NFIX: variants seen among roughly 807,000 people sequenced by gnomAD.
The protein encoded by NFIX is nuclear factor I X.
In NFIX, 2 loss-of-function variants were observed where a neutral mutation model predicts 53.3. That is an observed-to-expected ratio of 0.04 (90% CI 0.02 to 0.12). NFIX has a LOEUF of 0.12. Among genes scored for constraint, NFIX ranks in the 10% least tolerant of loss-of-function variants. NFIX has a pLI of 1.00. For synonymous variants in NFIX, 244 were observed against 289.0 expected (o/e 0.84, Z 1.58); for missense variants, 310 against 674.5 (o/e 0.46, Z 5.99).
In NFIX at chr19:13,022,943, T is replaced by C. The variant is rs946960627; in HGVS notation, c.28-2078T>C. ...TGAACTTGTCGATTGGGCAAATTGTTTTTGGTCTCCAACTGCCGGGGGCTC... is the reference window on the plus strand; with the variant it reads ...TGAACTTGTCGATTGGGCAAATTGTCTTTGGTCTCCAACTGCCGGGGGCTC... On this transcript the variant is annotated intron_variant, in intron 1 of 10. Coordinates refer to ENST00000592199, the MANE Select transcript of NFIX (RefSeq NM_001365902.3). The surrounding 1 kb of genome is among the most constrained non-coding windows in gnomAD (Gnocchi z 4.5). 5.3e-5 allele frequency among the ~76,000 whole-genome samples: 8 copies of C among 152,086 alleles called. No individual in the cohort carries two copies. Among genetic ancestry groups the C allele is most frequent in the African/African-American group, 1.2e-4 (5 of 41,396 alleles).
At chr19:13,075,230 G>A (rs1282379011) in intron 5 of NFIX, among the ~76,000 whole-genome samples, 1 of 152,158 alleles carries the variant, frequency 6.6e-6, no homozygotes, top group Admixed American at 6.5e-5. Context: ...GGAAATCATA[G>A]GTGGGATACA....
At chr19:13,053,617 C>T (rs985422754) in intron 2 of NFIX, among the ~76,000 whole-genome samples, 1 of 152,130 alleles carries the variant, frequency 6.6e-6, no homozygotes, top group African/African-American at 2.4e-5. Flanking sequence ...TCCCAAAGCC[C>T]CCAGCAGCAT....
chr19:13,025,027 T>G lies in NFIX; in HGVS notation c.34T>G (p.Phe12Val). ...CCCGGCTTGCCGCCTGCAGGATGAG[T>G]TCCACCCGTTCATCGAGGCACTGCT... The part of the protein sequence containing the change: ...YSPYCLTQDE[F>V]HPFIEALLPH... Residue 12 changes from phenylalanine (F) to valine (V), a missense_variant, in exon 2 of 11, where the codon TTC becomes GTC. By Grantham distance (50) the Phe-to-Val change is conservative (BLOSUM62 -1). Coordinates refer to ENST00000592199, the MANE Select transcript of NFIX (RefSeq NM_001365902.3). This position sits in a 1 kb window ranked among gnomAD's most constrained non-coding sequence, Gnocchi z 7.5. 6.2e-7 allele frequency: 1 copy of G among 1,602,468 alleles called. No homozygotes were observed. The highest frequency in any genetic ancestry group is 8.5e-7 in the Non-Finnish European group (1 of 1,174,926).
At position 13,078,399 on chromosome 19, in the gene NFIX, G is replaced by T. The variant is rs1185704860; in HGVS notation, c.956-214G>T. On this transcript the variant is annotated intron_variant, in intron 6 of 10. Coordinates refer to ENST00000592199, the MANE Select transcript of NFIX (RefSeq NM_001365902.3). This position sits in a 1 kb window ranked among gnomAD's most constrained non-coding sequence, Gnocchi z 4.7. ...GGGGCCTCGTTTTCCTCTCTGGTTA[G>T]AAGCACCCCTTGGCTGGCCTACACA... is the stretch of plus-strand genomic sequence containing the variant. Among the ~76,000 whole-genome samples, 3 of 152,170 alleles carry T rather than the reference G, an allele frequency of 2.0e-5. No homozygotes were observed. The highest frequency in any genetic ancestry group is 4.4e-5 in the Non-Finnish European group (3 of 68,030).
chr19:13,073,491 C>T lies in NFIX; in HGVS notation c.692C>T (p.Ser231Leu), dbSNP rs753177670. The part of the protein sequence containing the change: ...VWNVTELVRV[S>L]QTPVATASGP... ...AATGTGACGGAGCTGGTGAGAGTAT[C>T]ACAGAGTAAGTGAGTCCTTCCTTCC... The change falls in exon 4 of 11, where the codon TCA (serine) becomes TTA (leucine). Residue 231 changes from serine to leucine, a missense_variant. Coordinates refer to ENST00000592199, the MANE Select transcript of NFIX (RefSeq NM_001365902.3). This position sits in a 1 kb window ranked among gnomAD's most constrained non-coding sequence, Gnocchi z 4.5. 1 of 1,613,724 alleles carries T rather than the reference C, an allele frequency of 6.2e-7. No individual in the cohort carries two copies. The highest frequency in any genetic ancestry group is 8.5e-7 in the Non-Finnish European group (1 of 1,179,650).
At chr19:13,087,449 G>A (rs1479241464) in intron 8 of NFIX, among the ~76,000 whole-genome samples, 2 of 152,118 alleles carry the variant, frequency 1.3e-5, no homozygotes, top group Non-Finnish European at 2.9e-5. Flanking sequence ...TGGAGCCGAG[G>A]ACGAGCTCCC....
Position 13,080,720 on chromosome 19 carries a change from G to A in NFIX, c.1079-960G>A, listed in dbSNP as rs550038688. Among the ~76,000 whole-genome samples, 3 of 152,154 alleles carry A rather than the reference G, an allele frequency of 2.0e-5. No homozygotes were observed. In the South Asian group the frequency reaches 6.2e-4, roughly 32 times the overall value. The stretch of plus-strand genomic sequence containing the variant: ...TCCTGTCTCTATTTAACAGATACTG[G>A]CTGGGCGCGGTGTCTCACGCCTGTA... On this transcript the variant is annotated intron_variant, in intron 7 of 10. Transcript: ENST00000592199.
At chr19:13,083,749 G>A (rs1163319120) in intron 8 of NFIX, among the ~76,000 whole-genome samples, 1 of 152,206 alleles carries the variant, frequency 6.6e-6, no homozygotes, top group African/African-American at 2.4e-5. Flanking sequence ...GGGAGAGGGG[G>A]CTCAGCGGGG....
At chr19:13,063,684 T>C (rs1022061724) in intron 2 of NFIX, among the ~76,000 whole-genome samples, 1 of 152,156 alleles carries the variant, frequency 6.6e-6, no homozygotes, top group African/African-American at 2.4e-5. Context: ...TTTAGTTTTG[T>C]CTTTTGGTTG....
At chr19:13,046,383 C>G (rs2014982518) in intron 2 of NFIX, among the ~76,000 whole-genome samples, 1 of 152,156 alleles carries the variant, frequency 6.6e-6, no homozygotes. Context: ...CTTGTGTTTT[C>G]TGCAGACAAA....
chr19:12,995,738 C>T lies in NFIX; in HGVS notation c.-100C>T. 1 of 290,244 alleles carries T rather than the reference C, an allele frequency of 3.4e-6. No homozygotes were observed. The highest frequency in any genetic ancestry group is 5.0e-6 in the Non-Finnish European group (1 of 200,162). The allele number at this position is 290,244 out of a possible 1,614,324, so 18.0% of individuals were successfully genotyped here. A position where few individuals can be genotyped will look rare whatever the true frequency, so the allele number is the denominator to read the frequency against. Reference sequence around the variant, plus strand: ...CGGGCGGGCGCAGCGCGGCGGAGGCCGGAGGAGCCGAGCCGGAGCCCGAGC... The same window carrying T: ...CGGGCGGGCGCAGCGCGGCGGAGGCTGGAGGAGCCGAGCCGGAGCCCGAGC... On this transcript the variant is annotated 5_prime_UTR_variant, in exon 1 of 11. Coordinates refer to ENST00000592199, the MANE Select transcript of NFIX (RefSeq NM_001365902.3).
chr19:13,042,546 C>T (rs568415026), intron 2 of NFIX, among the ~76,000 whole-genome samples: 39 of 151,720 alleles, frequency 2.6e-4, no homozygotes, highest in Middle Eastern at 3.4e-3. Context: ...TTAGTAGAGA[C>T]GGGATTTCGC....
At position 13,086,969 on chromosome 19, in the gene NFIX, G is replaced by A. The variant is rs199830661; in HGVS notation, c.1255-1020G>A. On this transcript the variant is annotated intron_variant, in intron 8 of 10. Transcript: ENST00000592199. The stretch of plus-strand genomic sequence containing the variant: ...CTCTGGGTCTCGCATCCGGGTGCCC[G>A]GAAGGGCGGAACTCTATCCCACAGG... 1.1e-4 allele frequency among the ~76,000 whole-genome samples: 17 copies of A among 152,328 alleles called. No homozygotes were observed. In the East Asian group the frequency reaches 1.4e-3, roughly 12 times the overall value.
Position 13,012,582 on chromosome 19 carries a change from C to T in NFIX, c.28-12439C>T, listed in dbSNP as rs2012419408. The stretch of plus-strand genomic sequence containing the variant: ...ATTTTTGCCTTAAGGCTAGTTTGTC[C>T]CCCAGGCGCGCGGGGGTTGGGGGTT... On this transcript the variant is annotated intron_variant, in intron 1 of 10. Transcript: ENST00000592199. The surrounding 1 kb of genome is among the most constrained non-coding windows in gnomAD (Gnocchi z 5.0). Among the ~76,000 whole-genome samples the T allele has an allele frequency of 3.3e-5, 5 of 152,280 alleles. No individual in the cohort carries two copies. Among genetic ancestry groups the T allele is most frequent in the African/African-American group, 1.2e-4 (5 of 41,566 alleles).
chr19:12,997,185 G>A (rs1433867235), intron 1 of NFIX, among the ~76,000 whole-genome samples: 1 of 152,238 alleles, frequency 6.6e-6, no homozygotes, highest in Non-Finnish European at 1.5e-5. Context: ...GGTCCTACCG[G>A]GAGTGTGCAG....
Position 13,093,799 on chromosome 19 carries a change from G to A in NFIX, c.1495-836G>A, listed in dbSNP as rs937306375. On this transcript the variant is annotated intron_variant, in intron 10 of 10. Coordinates refer to ENST00000592199, the MANE Select transcript of NFIX (RefSeq NM_001365902.3). The surrounding 1 kb of genome is among the most constrained non-coding windows in gnomAD (Gnocchi z 4.7). ...GTGCACCCAGGCCCAGTAGACCACA[G>A]TAGACCCTGACCCACCACTTTGCCA... 6.6e-6 allele frequency among the ~76,000 whole-genome samples: 1 copy of A among 152,170 alleles called. No individual in the cohort carries two copies. Among genetic ancestry groups the A allele is most frequent in the African/African-American group, 2.4e-5 (1 of 41,420 alleles).
rs1248962859 is a variant in NFIX at position 13,013,803 on chromosome 19, A to T, written c.28-11218A>T. 6.6e-6 allele frequency: 1 copy of T among 152,096 alleles called. No individual in the cohort carries two copies. Among genetic ancestry groups the T allele is most frequent in the African/African-American group, 2.4e-5 (1 of 41,406 alleles). The allele number at this position is 152,096 out of a possible 1,614,324, so 9.4% of individuals were successfully genotyped here. On this transcript the variant is annotated intron_variant, in intron 1 of 10. Transcript: ENST00000592199. The surrounding 1 kb of genome is among the most constrained non-coding windows in gnomAD (Gnocchi z 5.9). The stretch of plus-strand genomic sequence containing the variant: ...GCTGGCGAGCCTCGCCTGTCCCGCG[A>T]CTGAGCTTGCGGTCGCCCCGATTCT...
rs971130381 is a variant in NFIX at position 13,052,796 on chromosome 19, A to C, written c.560-20251A>C. On this transcript the variant is annotated intron_variant, in intron 2 of 10. Transcript: ENST00000592199. The surrounding 1 kb of genome is among the most constrained non-coding windows in gnomAD (Gnocchi z 5.2). ...GCACCCCCTGCACCCGTCCACACAC[A>C]CAGACCAGAGGAGTGAGGATGATGA... 1.3e-5 allele frequency among the ~76,000 whole-genome samples: 2 copies of C among 152,114 alleles called. No homozygotes were observed. Among genetic ancestry groups the C allele is most frequent in the Non-Finnish European group, 2.9e-5 (2 of 68,004 alleles).
chr19:13,014,913 G>A lies in NFIX; in HGVS notation c.28-10108G>A, dbSNP rs1026914089. 6.6e-6 allele frequency among the ~76,000 whole-genome samples: 1 copy of A among 152,184 alleles called. No individual in the cohort carries two copies. Among genetic ancestry groups the A allele is most frequent in the African/African-American group, 2.4e-5 (1 of 41,436 alleles). On this transcript the variant is annotated intron_variant, in intron 1 of 10. Coordinates refer to ENST00000592199, the MANE Select transcript of NFIX (RefSeq NM_001365902.3). This position sits in a 1 kb window ranked among gnomAD's most constrained non-coding sequence, Gnocchi z 4.4. ...GCGAGGTGGCTGCGGTGGCCCTTCC[G>A]CCAGGTGTGGGGTAGACCGCTTAGA...
Sources: allele counts gnomAD v4.1 joint callset (sites outside exome capture counted in the v4.1 genomes callset), GRCh38; gene constraint gnomAD v4.1.1; non-coding constraint Gnocchi (gnomAD v3.1); transcripts MANE v1.5; gene names NCBI Gene and HGNC (gene_info 2026-07-23, HGNC 2026-07-21).